The following FEZ1 variants were observed in gnomAD, a reference collection of about 807,000 sequenced individuals.
The protein encoded by FEZ1 is fasciculation and elongation protein zeta 1.
In FEZ1, 20 loss-of-function variants were observed where a neutral mutation model predicts 49.3. That is an observed-to-expected ratio of 0.41 (90% CI 0.29 to 0.59). The LOEUF is 0.59. FEZ1 is among the 20% of genes least tolerant of loss of function. The pLI is 0.36. For missense variants in FEZ1, 413 were observed against 476.0 expected, an observed-to-expected ratio of 0.87 and a Z score of 1.23; for synonymous variants, 170 against 180.9, an observed-to-expected ratio of 0.94 and a Z score of 0.48.
intron 1 of FEZ1, among the ~76,000 whole-genome samples, chr11:125,493,407 A>G (rs1957409250): frequency 1.3e-5 from 1 of 74,218 alleles, no homozygotes; most frequent in Non-Finnish European, 2.5e-5. Flanking sequence ...AGAAAGAAAG[A>G]AAGAAAGAAA....
At chr11:125,488,047 G>A (rs1049255213) in intron 2 of FEZ1, among the ~76,000 whole-genome samples, 4 of 145,366 alleles carry the variant, frequency 2.8e-5, no homozygotes, top group African/African-American at 7.8e-5. Context: ...CATTTCTTGT[G>A]TGATAGCTAA....
At chr11:125,490,210 A>T (rs1404745185) in intron 1 of FEZ1, among the ~76,000 whole-genome samples, 1 of 152,140 alleles carries the variant, frequency 6.6e-6, no homozygotes, top group African/African-American at 2.4e-5. Context: ...TACTATTACC[A>T]CAGATCCATA....
chr11:125,474,146 T>A (rs1219925482), intron 3 of FEZ1, among the ~76,000 whole-genome samples: 1 of 150,828 alleles, frequency 6.6e-6, no homozygotes, highest in African/African-American at 2.4e-5. Context: ...TGCTTCAGCC[T>A]CCTGAGTAGC....
intron 2 of FEZ1, among the ~76,000 whole-genome samples, chr11:125,485,975 G>T (rs886893372): frequency 2.6e-5 from 4 of 152,060 alleles, no homozygotes; most frequent in African/African-American, 4.8e-5. Context: ...ATTATTAGCA[G>T]CACATTAATG....
rs1306867730 is a variant in FEZ1, at chr11:125,443,904, A to T, written c.*2191T>A. 6.6e-6 allele frequency among the ~76,000 whole-genome samples: 1 copy of T among 152,162 alleles called. No individual in the cohort carries two copies. Among genetic ancestry groups the T allele is most frequent in the Non-Finnish European group, 1.5e-5 (1 of 68,038 alleles). On this transcript the variant is annotated 3_prime_UTR_variant, in exon 10 of 10. Coordinates refer to ENST00000278919, the MANE Select transcript of FEZ1 (RefSeq NM_005103.5). Reference sequence around the variant, plus strand: ...GCCGCTTCAGACACCTGCTGGCAGGATAAATTGGGGGAAAGGAGTGGCTGA... The same window carrying T: ...GCCGCTTCAGACACCTGCTGGCAGGTTAAATTGGGGGAAAGGAGTGGCTGA...
intron 3 of FEZ1, among the ~76,000 whole-genome samples, chr11:125,476,202 G>A (rs915268041): frequency 5.9e-5 from 9 of 152,162 alleles, no homozygotes; most frequent in Non-Finnish European, 8.8e-5. Context: ...TGATGGTTTC[G>A]CAGATATATG....
intron 9 of FEZ1, among the ~76,000 whole-genome samples, chr11:125,446,507 G>A (rs1239857167): frequency 6.6e-6 from 1 of 152,174 alleles, no homozygotes; most frequent in Non-Finnish European, 1.5e-5. Flanking sequence ...TGGCTCGTGA[G>A]GGGTAAAGTC....
chr11:125,493,334 CAAGA>C lies in FEZ1; in HGVS notation c.-46+2783_-46+2786del, dbSNP rs201528813. On this transcript the variant is annotated intron_variant, in intron 1 of 9. Coordinates refer to ENST00000278919, the MANE Select transcript of FEZ1 (RefSeq NM_005103.5). Reference sequence around the variant, plus strand: ...GGGCAACAAGAGCGAAACTCCATCTCAAGAAAGAAAGAAAGAAAGAAAGAGAGAA... The same window carrying C: ...GGGCAACAAGAGCGAAACTCCATCTCAAGAAAGAAAGAAAGAAAGAGAGAA... 4.4e-3 allele frequency among the ~76,000 whole-genome samples: 424 copies of C among 95,880 alleles called. 12 individuals carry two copies. The highest frequency in any genetic ancestry group is 0.017 in the African/African-American group (381 of 21,900). The allele number at this position is 95,880 out of a possible 152,430, so 62.9% of individuals were successfully genotyped here.
At chr11:125,482,470 A>T (rs1478644630) in intron 2 of FEZ1, among the ~76,000 whole-genome samples, 1 of 152,254 alleles carries the variant, frequency 6.6e-6, no homozygotes, top group African/African-American at 2.4e-5. Flanking sequence ...CATTATAAGA[A>T]AGGATTTCTA....
intron 2 of FEZ1, among the ~76,000 whole-genome samples, chr11:125,488,074 T>C (rs1957342836): frequency 6.6e-6 from 1 of 152,332 alleles, no homozygotes; most frequent in East Asian, 1.9e-4. Flanking sequence ...TGGATGCATA[T>C]TGTATCTCTG....
chr11:125,490,867 A>C (rs1218439635), intron 1 of FEZ1, among the ~76,000 whole-genome samples: 1 of 152,082 alleles, frequency 6.6e-6, no homozygotes, highest in African/African-American at 2.4e-5. Flanking sequence ...GGGTTCCACC[A>C]ATCCTCATGC....
At position 125,454,218 on chromosome 11, in the gene FEZ1, GGAGA is replaced by G; in HGVS notation, c.940-12_940-9del. 6.2e-7 allele frequency: 1 copy of G among 1,611,384 alleles called. No homozygotes were observed. The highest frequency in any genetic ancestry group is 1.1e-5 in the South Asian group (1 of 90,662). On this transcript the variant is annotated splice_polypyrimidine_tract_variant and intron_variant, in intron 6 of 9. Transcript: ENST00000278919. Reference sequence around the variant, plus strand: ...GCCTTCCATGCTGAAGCGCTGTGGGGGAGAGAGACTCAAGAAGGGCAAATGCTTC... The same window carrying G: ...GCCTTCCATGCTGAAGCGCTGTGGGGGAGACTCAAGAAGGGCAAATGCTTC...
At chr11:125,466,505 G>A (rs1253335697) in intron 3 of FEZ1, among the ~76,000 whole-genome samples, 1 of 151,890 alleles carries the variant, frequency 6.6e-6, no homozygotes, top group African/African-American at 2.4e-5. Flanking sequence ...AAAACACCTT[G>A]CTAGCTGTTT....
At chr11:125,492,965 C>A (rs1957395466) in intron 1 of FEZ1, among the ~76,000 whole-genome samples, 1 of 126,502 alleles carries the variant, frequency 7.9e-6, no homozygotes, top group South Asian at 2.4e-4. Context: ...GAGACCCTAT[C>A]TTTAAAAAAA....
At chr11:125,482,598 C>A (rs911452813) in intron 2 of FEZ1, among the ~76,000 whole-genome samples, 1 of 151,974 alleles carries the variant, frequency 6.6e-6, no homozygotes, top group African/African-American at 2.4e-5. Context: ...TATTCAACAC[C>A]AAGAGATTAA....
chr11:125,490,479 G>A (rs988362226), intron 1 of FEZ1, among the ~76,000 whole-genome samples: 3 of 152,158 alleles, frequency 2.0e-5, no homozygotes, highest in African/African-American at 4.8e-5. Flanking sequence ...GAAATAATCT[G>A]AATTCCAAAT....
chr11:125,463,477 CT>C lies in FEZ1; in HGVS notation c.498+6del, dbSNP rs755426413. 2 of 1,557,652 alleles carry C rather than the reference CT, an allele frequency of 1.3e-6. No homozygotes were observed. Among genetic ancestry groups the C allele is most frequent in the Non-Finnish European group, 1.8e-6 (2 of 1,128,774 alleles). ...AAGGTCCCGATAACCTGGAGAGATA[CT>C]TATACCTGATCTGCTGTGAGCAGAG... On this transcript the variant is annotated splice_donor_region_variant and intron_variant, in intron 4 of 9. Transcript: ENST00000278919.
chr11:125,486,347 G>A (rs958541735), intron 2 of FEZ1, among the ~76,000 whole-genome samples: 1 of 152,148 alleles, frequency 6.6e-6, no homozygotes, highest in African/African-American at 2.4e-5. Context: ...CTAAGAGGCT[G>A]TGACCTCCAG....
intron 7 of FEZ1, 123 bp from the exon 8 acceptor site, chr11:125,452,532 T>A (rs1415813726): frequency 1.2e-5 from 8 of 648,434 alleles, no homozygotes. Flanking sequence ...TCATGGTCAC[T>A]GGTACGTCAC....
Sources: gnomAD v4.1 joint callset for allele counts (sites outside exome capture counted in the v4.1 genomes callset) on GRCh38, gnomAD v4.1.1 for gene constraint, MANE v1.5 for transcripts, NCBI Gene and HGNC (gene_info 2026-07-23, HGNC 2026-07-21) for gene names.